CA6: variants seen among roughly 807,000 people sequenced by gnomAD.
The protein encoded by CA6 is carbonate dehydratase VI.
A neutral mutation model predicts 35.9 loss-of-function variants in CA6; 28 were observed. That is an observed-to-expected ratio of 0.78 (90% confidence interval 0.58 to 1.07). The LOEUF is 1.07. Among genes scored for constraint, CA6 ranks in the 50% least tolerant of loss-of-function variants. CA6 has a pLI of 0.00. For missense variants in CA6, 377 were observed against 382.0 expected (o/e 0.99, Z 0.11); for synonymous variants, 148 against 152.6 (o/e 0.97, Z 0.22).
At chr1:8,971,115 A>G in intron 7 of CA6, 134 bp downstream of exon 7, 1 of 675,104 alleles carries the variant, frequency 1.5e-6, no homozygotes, top group South Asian at 1.7e-5. Flanking sequence ...AGGTGGGCCA[A>G]GCTGCACAGG....
intron 3 of CA6, 67 bp downstream of exon 3, chr1:8,957,352 T>C: frequency 1.4e-6 from 2 of 1,479,320 alleles, no homozygotes; most frequent in Non-Finnish European, 9.2e-7. Flanking sequence ...TTTTATTTAT[T>C]TATTTTGAGA....
intron 4 of CA6, 33 bp downstream of exon 4, chr1:8,959,035 T>A (rs781340459): frequency 1.5e-6 from 2 of 1,314,378 alleles, no homozygotes; most frequent in Non-Finnish European, 1.1e-6. Context: ...TGTCTGTATT[T>A]GAAGTTATAG....
intron 5 of CA6, among the ~76,000 whole-genome samples, chr1:8,965,854 T>A (rs1256250403): frequency 5.3e-5 from 8 of 149,866 alleles, no homozygotes; most frequent in Admixed American, 2.0e-4. Context: ...GCCACTGCAC[T>A]CCAGTCTGGG....
At chr1:8,959,100 T>C (rs1218600149) in intron 4 of CA6, 98 bp downstream of exon 4, 1 of 718,208 alleles carries the variant, frequency 1.4e-6, no homozygotes, top group East Asian at 2.6e-5. Flanking sequence ...TTATTATCAC[T>C]CTTCATCTTT....
intron 2 of CA6, among the ~76,000 whole-genome samples, chr1:8,955,076 TGATCCATTAATATATATTGCCCAGGTGCC>T (rs1241166735): frequency 1.6e-4 from 24 of 151,650 alleles, no homozygotes; most frequent in Non-Finnish European, 2.5e-4. Flanking sequence ...GTGCCGGCAC[TGATCCATTAATATATATTGCCCAGGTGCC>T]GTGGCTCACC....
intron 2 of CA6, among the ~76,000 whole-genome samples, chr1:8,956,300 T>G (rs755279601): frequency 6.6e-6 from 1 of 152,186 alleles, no homozygotes; most frequent in African/African-American, 2.4e-5. Context: ...CTCATAGATA[T>G]TTTTCTTAGT....
At chr1:8,959,108 T>C in intron 4 of CA6, 106 bp downstream of exon 4, 1 of 692,528 alleles carries the variant, frequency 1.4e-6, no homozygotes, top group Non-Finnish European at 2.6e-6. Flanking sequence ...ACTCTTCATC[T>C]TTTCCTGAGC....
chr1:8,951,269 G>A (rs115263823), intron 2 of CA6, among the ~76,000 whole-genome samples: 1 of 151,968 alleles, frequency 6.6e-6, no homozygotes, highest in Non-Finnish European at 1.5e-5. Flanking sequence ...TATAGGGTTG[G>A]TGAAAGTAGC....
chr1:8,973,788 TCCCTCCCTCCCTCTCTCTCTCTCTCTCTC>T (rs1557635911), intron 7 of CA6, among the ~76,000 whole-genome samples: 3 of 62,184 alleles, frequency 4.8e-5, no homozygotes, highest in African/African-American at 4.2e-4. Flanking sequence ...TTCTTTCTTT[TCCCTCCCTCCCTCTCTCTCTCTCTCTCTC>T]TCTTTCTTCC....
intron 6 of CA6, among the ~76,000 whole-genome samples, chr1:8,969,311 T>C (rs767749047): frequency 2.0e-5 from 3 of 151,952 alleles, no homozygotes; most frequent in Non-Finnish European, 4.4e-5. Flanking sequence ...CAAGACTCCA[T>C]CTCAAAAAAA....
intron 2 of CA6, among the ~76,000 whole-genome samples, chr1:8,950,638 G>A (rs1363098557): frequency 6.6e-6 from 1 of 152,110 alleles, no homozygotes; most frequent in Non-Finnish European, 1.5e-5. Context: ...GGAGGCTGAG[G>A]TGGGAGGATC....
chr1:8,955,211 C>A (rs1203996255), intron 2 of CA6, among the ~76,000 whole-genome samples: 2 of 152,076 alleles, frequency 1.3e-5, no homozygotes, highest in Admixed American at 6.6e-5. Context: ...TCTGTCTCTA[C>A]AAATAAACTT....
chr1:8,971,921 C>T (rs1416998143), intron 7 of CA6, among the ~76,000 whole-genome samples: 2 of 152,166 alleles, frequency 1.3e-5, no homozygotes, highest in Non-Finnish European at 2.9e-5. Context: ...ATTTTGTCTG[C>T]TTTCTGTAAA....
intron 5 of CA6, among the ~76,000 whole-genome samples, chr1:8,965,204 G>A (rs564749644): frequency 6.6e-6 from 1 of 152,102 alleles, no homozygotes; most frequent in Non-Finnish European, 1.5e-5. Context: ...AGATTGTGTC[G>A]CTGCACTCCA....
intron 5 of CA6, among the ~76,000 whole-genome samples, chr1:8,964,613 C>G (rs181736020): frequency 6.6e-6 from 1 of 152,230 alleles, no homozygotes; most frequent in East Asian, 1.9e-4. Flanking sequence ...CTAATTCCTC[C>G]CACCTCCAAA....
At chr1:8,953,007 ATG>A (rs2124245529) in intron 2 of CA6, among the ~76,000 whole-genome samples, 2 of 152,292 alleles carry the variant, frequency 1.3e-5, no homozygotes, top group South Asian at 4.1e-4. Context: ...TTTCAGTGTC[ATG>A]AAAATCCTGT....
At chr1:8,973,760 C>CT (rs1263884124) in intron 7 of CA6, among the ~76,000 whole-genome samples, 1 of 21,736 alleles carries the variant, frequency 4.6e-5, no homozygotes, top group Non-Finnish European at 7.0e-5. Context: ...TTCTTTCTTT[C>CT]TTTCTTTCTT....
At chr1:8,961,639 G>C (rs947613263) in intron 4 of CA6, among the ~76,000 whole-genome samples, 5 of 152,114 alleles carry the variant, frequency 3.3e-5, no homozygotes, top group Non-Finnish European at 7.3e-5. Context: ...AAAGGCACGA[G>C]ACATCTAGAA....
rs72862209 is a variant in CA6, at chr1:8,963,307, C to T, written c.571+651C>T. ...GCTTCCACATTCTTGCTCCTAGTGA[C>T]GCCTGTGTCCTTTCATCTCTCTCCC... On this transcript the variant is annotated intron_variant, in intron 5 of 7. Transcript: ENST00000377443. The surrounding 1 kb of genome is among the most constrained non-coding windows in gnomAD (Gnocchi z 4.1). 0.065 allele frequency among the ~76,000 whole-genome samples: 9,943 copies of T among 152,052 alleles called. 931 individuals carry two copies. The highest frequency in any genetic ancestry group is 0.21 in the African/African-American group (8,704 of 41,410).
Sources: gnomAD v4.1 joint callset for allele counts (sites outside exome capture counted in the v4.1 genomes callset) on GRCh38, gnomAD v4.1.1 for gene constraint, Gnocchi (gnomAD v3.1) non-coding constraint, MANE v1.5 for transcripts, NCBI Gene and HGNC (gene_info 2026-07-23, HGNC 2026-07-21) for gene names.